SNX24: variants seen among roughly 807,000 people sequenced by gnomAD.
SNX24 encodes sorting nexin 24, also known as sorting nexin-24.
SNX24 carries 22 observed loss-of-function variants against 28.7 expected under a neutral mutation model. That is an observed-to-expected ratio of 0.77 (90% confidence interval 0.55 to 1.10). SNX24 has a LOEUF of 1.10. Ranked by LOEUF, SNX24 falls within the 50% of genes least tolerant of loss-of-function variation. The probability of loss-of-function intolerance (pLI) is 0.00; values close to 1 mark genes in which losing one functional copy is unlikely to be tolerated. For synonymous variants in SNX24, 69 were observed against 71.5 expected (o/e 0.96, Z 0.18); for missense variants, 221 against 201.1 (o/e 1.10, Z -0.60).
chr5:122,913,747 G>A (rs188371841), intron 1 of SNX24, among the ~76,000 whole-genome samples: 4,254 of 152,292 alleles, frequency 0.028, 67 homozygotes, highest in Middle Eastern at 0.054. Flanking sequence ...ACTTTGGGAG[G>A]CCAAGGCAGG....
rs80107335 is a variant in SNX24, at chr5:122,994,302, A to G, written c.250-5610A>G. 6.5e-3 allele frequency among the ~76,000 whole-genome samples: 986 copies of G among 152,316 alleles called. 7 individuals are homozygous for G. Among genetic ancestry groups the G allele is most frequent in the Middle Eastern group, 0.031 (9 of 294 alleles). On this transcript the variant is annotated intron_variant, in intron 3 of 6. Transcript: ENST00000261369. ...ATGCTCGCCTTAGTGACAATTTTCT[A>G]AAATGGAAACTCGTGGGAAATCATT... is the stretch of plus-strand genomic sequence containing the variant.
intron 5 of SNX24, chr5:123,028,556 A>G: frequency 2.3e-6 from 1 of 441,126 alleles, no homozygotes; most frequent in South Asian, 6.5e-5. Context: ...CGGAAAGACA[A>G]TAAACACCAA....
intron 1 of SNX24, among the ~76,000 whole-genome samples, chr5:122,914,239 A>G (rs1166374679): frequency 6.6e-6 from 1 of 152,222 alleles, no homozygotes; most frequent in Non-Finnish European, 1.5e-5. Context: ...CATCCCAGGG[A>G]TGAAGCCCAC....
In SNX24 at chr5:122,911,182, C is replaced by G. The variant is rs1757869966; in HGVS notation, c.61-25552C>G. On this transcript the variant is annotated intron_variant, in intron 1 of 6. Coordinates refer to ENST00000261369, the MANE Select transcript of SNX24 (RefSeq NM_014035.4). ...CATTCTAACTGGAGTGAGATGGTAT[C>G]TCATTGTGGTTTTGATTTGCATTTC... Among the ~76,000 whole-genome samples, 4 of 152,320 alleles carry G rather than the reference C, an allele frequency of 2.6e-5. No homozygotes were observed. In the South Asian group the frequency reaches 8.3e-4, roughly 32 times the overall value.
intron 1 of SNX24, among the ~76,000 whole-genome samples, chr5:122,850,089 A>T (rs1754824953): frequency 6.6e-6 from 1 of 152,212 alleles, no homozygotes; most frequent in African/African-American, 2.4e-5. Flanking sequence ...GAAGGAAGTA[A>T]CATGATTAGC....
intron 2 of SNX24, among the ~76,000 whole-genome samples, chr5:122,939,971 C>T (rs1759367590): frequency 6.6e-6 from 1 of 151,024 alleles, no homozygotes; most frequent in Admixed American, 6.7e-5. Flanking sequence ...ATAATACACA[C>T]TACTTAATTT....
At chr5:123,022,947 A>T (rs2150187605) in intron 5 of SNX24, among the ~76,000 whole-genome samples, 1 of 152,178 alleles carries the variant, frequency 6.6e-6, no homozygotes, top group South Asian at 2.1e-4. Flanking sequence ...GGAACTACAG[A>T]TGTGCACCAA....
At chr5:122,881,398 C>G (rs1001232146) in intron 1 of SNX24, among the ~76,000 whole-genome samples, 4 of 152,118 alleles carry the variant, frequency 2.6e-5, no homozygotes. Flanking sequence ...CCTTACTGTT[C>G]AAAATGTGGT....
chr5:122,924,100 A>G (rs976007781), intron 1 of SNX24, among the ~76,000 whole-genome samples: 8 of 152,254 alleles, frequency 5.3e-5, no homozygotes, highest in African/African-American at 1.7e-4. Context: ...CTCAGGTGTT[A>G]TGTTCAAAGA....
At chr5:123,020,434 C>A (rs1707480036) in intron 5 of SNX24, among the ~76,000 whole-genome samples, 1 of 152,112 alleles carries the variant, frequency 6.6e-6, no homozygotes, top group Admixed American at 6.5e-5. Context: ...TCTGCTTTTT[C>A]TTTAAAACAA....
At chr5:122,881,062 A>C (rs1756458912) in intron 1 of SNX24, among the ~76,000 whole-genome samples, 1 of 152,156 alleles carries the variant, frequency 6.6e-6, no homozygotes, top group Non-Finnish European at 1.5e-5. Context: ...ATAGATTCTG[A>C]TGGTTTCCTT....
intron 3 of SNX24, among the ~76,000 whole-genome samples, chr5:122,998,633 C>G (rs1762135810): frequency 6.6e-6 from 1 of 152,130 alleles, no homozygotes; most frequent in Non-Finnish European, 1.5e-5. Context: ...GGGTTCTGCT[C>G]TAGTGTGGGA....
chr5:122,938,108 G>A (rs2150118186), intron 2 of SNX24, among the ~76,000 whole-genome samples: 1 of 152,172 alleles, frequency 6.6e-6, no homozygotes, highest in East Asian at 1.9e-4. Context: ...CAGCCCAGCT[G>A]TACTCTCCGG....
chr5:122,927,910 G>A (rs780754001), intron 1 of SNX24, among the ~76,000 whole-genome samples: 1 of 152,148 alleles, frequency 6.6e-6, no homozygotes. Flanking sequence ...CCACAGACTA[G>A]TTGATGCAGA....
intron 3 of SNX24, among the ~76,000 whole-genome samples, chr5:122,994,177 G>A (rs1180750609): frequency 6.6e-6 from 1 of 152,168 alleles, no homozygotes; most frequent in African/African-American, 2.4e-5. Context: ...TCAACAAGAT[G>A]TTCCATTCCT....
chr5:122,915,442 A>G (rs992274687), intron 1 of SNX24, among the ~76,000 whole-genome samples: 2 of 152,106 alleles, frequency 1.3e-5, no homozygotes, highest in Non-Finnish European at 2.9e-5. Context: ...CCTGGGCAAC[A>G]TAGCAAGTCC....
chr5:123,023,703 G>T, intron 5 of SNX24: 1 of 1,061,300 alleles, frequency 9.4e-7, no homozygotes, highest in Non-Finnish European at 1.2e-6. Context: ...TAAAGTTCAA[G>T]CAAACTAAAG....
intron 2 of SNX24, among the ~76,000 whole-genome samples, chr5:122,941,402 G>A (rs1426040501): frequency 6.6e-6 from 1 of 152,086 alleles, no homozygotes; most frequent in Non-Finnish European, 1.5e-5. Flanking sequence ...CTCATTATAT[G>A]AGGTAAAAAT....
At chr5:123,029,093 C>A in intron 5 of SNX24, 1 of 951,256 alleles carries the variant, frequency 1.1e-6, no homozygotes, top group Non-Finnish European at 1.5e-6. Context: ...AGAGAGCAAA[C>A]CATATTTTCA....
Sources: allele counts gnomAD v4.1 joint callset (sites outside exome capture counted in the v4.1 genomes callset), GRCh38; gene constraint gnomAD v4.1.1; transcripts MANE v1.5; gene names NCBI Gene and HGNC (gene_info 2026-07-23, HGNC 2026-07-21).